RORB: variants seen among roughly 807,000 people sequenced by gnomAD.
RORB encodes nuclear receptor ROR-beta.
Under a neutral mutation model 59.1 loss-of-function variants are expected in RORB, and 6 were observed. The ratio of observed to expected loss-of-function variants is 0.10; its 90% CI spans 0.06 to 0.20. RORB has a LOEUF of 0.20. RORB is among the 10% of genes least tolerant of loss of function. RORB has a pLI of 1.00. For missense variants in RORB, 320 were observed against 560.5 expected (o/e 0.57, Z 4.33); for synonymous variants, 215 against 204.5 (o/e 1.05, Z -0.44).
At chr9:74,667,682 A>G (rs1026254819) in intron 7 of RORB, 109 bp from the exon 8 acceptor site, 2 of 634,090 alleles carry the variant, frequency 3.2e-6, no homozygotes, top group African/African-American at 3.7e-5. Flanking sequence ...TCTTTTCTAG[A>G]AGTCTAGTAT....
Position 74,587,573 on chromosome 9 carries a change from C to T in RORB, c.8-42709C>T, listed in dbSNP as rs1822820086. On this transcript the variant is annotated intron_variant, in intron 1 of 9. Transcript: ENST00000376896. ...TCTTGTCTGAGTCAGTTTAGCTGAT[C>T]TCTGAGGTCAGCTGAGGACTCAGCT... 2.0e-5 allele frequency among the ~76,000 whole-genome samples: 3 copies of T among 152,274 alleles called. No homozygotes were observed. The South Asian group carries it at 6.2e-4, about 32-fold the overall frequency.
chr9:74,544,898 C>A lies in RORB; in HGVS notation c.7+46915C>A, dbSNP rs1305147426. On this transcript the variant is annotated intron_variant, in intron 1 of 9. Transcript: ENST00000376896. ...AAAGCAGATCTTTAGAATTTGCATT[C>A]AGCATGGCCACTGACTGGTCAGGCA... Among the ~76,000 whole-genome samples, 10 of 152,272 alleles carry A rather than the reference C, an allele frequency of 6.6e-5. No individual in the cohort carries two copies. In the East Asian group the frequency reaches 7.7e-4, roughly 12 times the overall value.
At chr9:74,549,843 C>T (rs1826579408) in intron 1 of RORB, among the ~76,000 whole-genome samples, 1 of 152,056 alleles carries the variant, frequency 6.6e-6, no homozygotes, top group South Asian at 2.1e-4. Flanking sequence ...ATTCTCCTGT[C>T]TTAGCCTCCC....
chr9:74,667,492 A>T (rs73549418), intron 7 of RORB, among the ~76,000 whole-genome samples: 4,329 of 152,312 alleles, frequency 0.028, 193 homozygotes, highest in African/African-American at 0.098. Context: ...TTTCAAATTT[A>T]TAAGGATGTA....
chr9:74,532,994 C>A (rs1826270645), intron 1 of RORB, among the ~76,000 whole-genome samples: 1 of 151,516 alleles, frequency 6.6e-6, no homozygotes, highest in Admixed American at 6.6e-5. Context: ...GAGATTGGGG[C>A]CCCCACTCCC....
chr9:74,537,238 G>T (rs961455840), intron 1 of RORB, among the ~76,000 whole-genome samples: 2 of 152,004 alleles, frequency 1.3e-5, no homozygotes, highest in African/African-American at 4.8e-5. Flanking sequence ...ATCTGTTTTT[G>T]CTTGGGAACT....
rs1823596897 is a variant in RORB at position 74,630,436 on chromosome 9, G to A, written c.93+69G>A. ...ATCTGTGTACCTCACAAGATGCGGTGACACGTTTTTAAGGAAGGCTGGCTA... is the reference window on the plus strand; with the variant it reads ...ATCTGTGTACCTCACAAGATGCGGTAACACGTTTTTAAGGAAGGCTGGCTA... On this transcript the variant is annotated intron_variant, in intron 2 of 9. Coordinates refer to ENST00000376896, the MANE Select transcript of RORB (RefSeq NM_006914.4). 7.8e-6 allele frequency: 9 copies of A among 1,158,504 alleles called. No individual in the cohort carries two copies. The Admixed American group carries it at 1.1e-4, about 14-fold the overall frequency. The allele number at this position is 1,158,504 out of a possible 1,614,324, so 71.8% of individuals were successfully genotyped here. A position where few individuals can be genotyped will look rare whatever the true frequency, so the allele number is the denominator to read the frequency against.
At position 74,591,327 on chromosome 9, in the gene RORB, G is replaced by A. The variant is rs145617969; in HGVS notation, c.8-38955G>A. ...GATATCCTATGCATATGAATGAACC[G>A]CTTTCCACTGTGTGAATCAGTGTCT... On this transcript the variant is annotated intron_variant, in intron 1 of 9. Transcript: ENST00000376896. Among the ~76,000 whole-genome samples the A allele has an allele frequency of 5.5e-3, 830 of 152,248 alleles. 10 individuals are homozygous for A. Among genetic ancestry groups the A allele is most frequent in the Admixed American group, 0.041 (620 of 15,284 alleles).
At chr9:74,529,997 T>G (rs540395028) in intron 1 of RORB, among the ~76,000 whole-genome samples, 1 of 152,142 alleles carries the variant, frequency 6.6e-6, no homozygotes, top group South Asian at 2.1e-4. Flanking sequence ...AGACTGATGG[T>G]GTGCCCACTC....
intron 1 of RORB, among the ~76,000 whole-genome samples, chr9:74,549,596 GGAAGGAAGGAAGAAAGGAAGGAAGGA>G (rs1826568545): frequency 1.7e-5 from 1 of 57,500 alleles, no homozygotes; most frequent in African/African-American, 8.8e-5. Flanking sequence ...AAGGAAGGAA[GGAAGGAAGGAAGAAAGGAAGGAAGGA>G]AGGAAGAAAG....
chr9:74,529,766 A>G (rs1469503296), intron 1 of RORB, among the ~76,000 whole-genome samples: 1 of 151,890 alleles, frequency 6.6e-6, no homozygotes, highest in Admixed American at 6.6e-5. Flanking sequence ...AATGAAAACT[A>G]GCTCCCTGGT....
At chr9:74,661,849 GTT>G (rs1824190004) in intron 5 of RORB, among the ~76,000 whole-genome samples, 1 of 151,774 alleles carries the variant, frequency 6.6e-6, no homozygotes, top group Admixed American at 6.6e-5. Context: ...GTTTCACCAT[GTT>G]AGCCAGGATG....
intron 4 of RORB, among the ~76,000 whole-genome samples, chr9:74,643,435 T>C (rs914533686): frequency 6.6e-6 from 1 of 152,196 alleles, no homozygotes; most frequent in African/African-American, 2.4e-5. Context: ...ATAGGCATGA[T>C]TGCATCAGAA....
chr9:74,497,949 C>T lies in RORB; in HGVS notation c.-28C>T, dbSNP rs946432589. The T allele has an allele frequency of 6.2e-7, 1 of 1,611,686 alleles. No homozygotes were observed. On this transcript the variant is annotated 5_prime_UTR_variant, in exon 1 of 10. Transcript: ENST00000376896. ...GTTCGGGCTGGGAGCAGCTTCATGA[C>T]TACGCGGAGCGGGAGAGCGGCCACA...
At chr9:74,614,798 A>G (rs1390005996) in intron 1 of RORB, among the ~76,000 whole-genome samples, 6 of 152,188 alleles carry the variant, frequency 3.9e-5, no homozygotes, top group Non-Finnish European at 8.8e-5. Flanking sequence ...TTTTGTTCCC[A>G]TGGAAGTTAA....
intron 5 of RORB, among the ~76,000 whole-genome samples, chr9:74,661,621 C>T (rs1824182947): frequency 7.1e-6 from 1 of 141,084 alleles, no homozygotes; most frequent in Non-Finnish European, 1.5e-5. Flanking sequence ...CCTTTTTCCT[C>T]GGAATTCTTT....
chr9:74,517,468 A>G (rs975101895), intron 1 of RORB, among the ~76,000 whole-genome samples: 1 of 152,064 alleles, frequency 6.6e-6, no homozygotes, highest in African/African-American at 2.4e-5. Context: ...TTAGCAGTCA[A>G]AAACCTGCTT....
At chr9:74,553,591 A>G (rs1563935817) in intron 1 of RORB, among the ~76,000 whole-genome samples, 1 of 152,186 alleles carries the variant, frequency 6.6e-6, no homozygotes, top group Non-Finnish European at 1.5e-5. Context: ...GCAAGGAGTA[A>G]ATGGATTCAA....
chr9:74,658,949 G>A (rs556814090), intron 4 of RORB, among the ~76,000 whole-genome samples: 1 of 152,180 alleles, frequency 6.6e-6, no homozygotes, highest in Non-Finnish European at 1.5e-5. Flanking sequence ...TTAGCATTTG[G>A]TAGCATCTTC....
Sources: gnomAD v4.1 joint callset for allele counts (sites outside exome capture counted in the v4.1 genomes callset) on GRCh38, gnomAD v4.1.1 for gene constraint, MANE v1.5 for transcripts, NCBI Gene and HGNC (gene_info 2026-07-23, HGNC 2026-07-21) for gene names.